CNTN2: variants seen among roughly 807,000 people sequenced by gnomAD.
CNTN2 encodes contactin 2.
CNTN2 carries 53 observed loss-of-function variants against 117.5 expected under a neutral mutation model. The observed-to-expected ratio is 0.45, with a 90% CI of 0.36 to 0.57. CNTN2 has a LOEUF of 0.57. Among genes scored for constraint, CNTN2 ranks in the 20% least tolerant of loss-of-function variants. The probability of loss-of-function intolerance (pLI) is 0.00; values close to 1 mark genes in which losing one functional copy is unlikely to be tolerated. For missense variants in CNTN2, 1,106 were observed against 1,404.3 expected (o/e 0.79, Z 3.39); for synonymous variants, 530 against 561.7 (o/e 0.94, Z 0.80).
rs1339606709 is a variant in CNTN2 at position 205,072,114 on chromosome 1, C to T, written c.2712C>T (p.Asn904=). 1.7e-5 allele frequency: 28 copies of T among 1,611,206 alleles called. No individual in the cohort carries two copies. The South Asian group carries it at 1.8e-4, about 10-fold the overall frequency. Residue 904 remains asparagine (N), a synonymous_variant, in exon 20 of 23, where the codon AAC becomes AAT. Coordinates refer to ENST00000331830, the MANE Select transcript of CNTN2 (RefSeq NM_005076.5). ...CTGGGCCTGCCAGCCCTTCTGCCAA[C>T]GCCACGACCATGAAGCCCCGTGAGT... ...AGTGPASPSA[N]ATTMKPPPRR... is the part of the protein sequence containing the mutation.
At chr1:205,051,073 CAT>C (rs2096451954) in intron 1 of CNTN2, among the ~76,000 whole-genome samples, 1 of 152,362 alleles carries the variant, frequency 6.6e-6, no homozygotes, top group South Asian at 2.1e-4. Flanking sequence ...TGAGCCCCAT[CAT>C]GTGTGCCCAC....
intron 2 of CNTN2, among the ~76,000 whole-genome samples, chr1:205,056,568 C>G (rs1320852574): frequency 2.0e-5 from 3 of 152,192 alleles, no homozygotes; most frequent in South Asian, 2.1e-4. Context: ...CCACCCCCTA[C>G]CCCTGGAAGA....
chr1:205,066,015 G>A (rs1654271637), intron 14 of CNTN2, 106 bp downstream of exon 14: 2 of 1,386,236 alleles, frequency 1.4e-6, no homozygotes, highest in South Asian at 2.9e-5. Flanking sequence ...AAGCTGCGGG[G>A]AAGGGCTTCC....
chr1:205,061,558 A>C lies in CNTN2; in HGVS notation c.973+138A>C. The stretch of plus-strand genomic sequence containing the variant: ...ATGAGCCTGCTTGCCCTAGGACTGC[A>C]CTGAGTCTGGGACCAGAGGAGGCTA... On this transcript the variant is annotated intron_variant, in intron 8 of 22. Coordinates refer to ENST00000331830, the MANE Select transcript of CNTN2 (RefSeq NM_005076.5). This position sits in a 1 kb window ranked among gnomAD's most constrained non-coding sequence, Gnocchi z 4.8. 9.3e-7 allele frequency: 1 copy of C among 1,077,256 alleles called. No individual in the cohort carries two copies. The highest frequency in any genetic ancestry group is 1.3e-6 in the Non-Finnish European group (1 of 770,920). The allele number at this position is 1,077,256 out of a possible 1,614,324, so 66.7% of individuals were successfully genotyped here.
At chr1:205,066,012 G>A (rs1210692409) in intron 14 of CNTN2, 103 bp downstream of exon 14, 53 of 1,391,092 alleles carry the variant, frequency 3.8e-5, no homozygotes, top group Non-Finnish European at 4.6e-5. Flanking sequence ...TCAAAGCTGC[G>A]GGGAAGGGCT....
chr1:205,069,289 C>T (rs1032628853), intron 16 of CNTN2: 1 of 562,480 alleles, frequency 1.8e-6, no homozygotes, highest in Admixed American at 3.3e-5. Flanking sequence ...CAGGGAAGCA[C>T]AGCTAGTAAA....
Position 205,058,169 on chromosome 1 carries a change from C to A in CNTN2, c.216-12C>A. On this transcript the variant is annotated splice_polypyrimidine_tract_variant and intron_variant, in intron 3 of 22. Transcript: ENST00000331830. This position sits in a 1 kb window ranked among gnomAD's most constrained non-coding sequence, Gnocchi z 4.3. ...GGACTCAGAGGTCCCCTTCCTCTGTCCCCTGCTGCAGGTGGAAGATGAATG... is the reference window on the plus strand; with the variant it reads ...GGACTCAGAGGTCCCCTTCCTCTGTACCCTGCTGCAGGTGGAAGATGAATG... 6.3e-7 allele frequency: 1 copy of A among 1,590,424 alleles called. No individual in the cohort carries two copies. Among genetic ancestry groups the A allele is most frequent in the Admixed American group, 1.8e-5 (1 of 56,710 alleles).
chr1:205,071,056 C>T (rs1364099237), intron 19 of CNTN2, among the ~76,000 whole-genome samples: 4 of 151,270 alleles, frequency 2.6e-5, no homozygotes, highest in African/African-American at 9.7e-5. Flanking sequence ...ACCCTGGAGG[C>T]AGCCTTAAAG....
rs553118938 is a variant in CNTN2, at chr1:205,057,765, C to T, written c.71-156C>T. 1,795 of 705,064 alleles carry T rather than the reference C, an allele frequency of 2.5e-3. 10 individuals are homozygous for T. Among genetic ancestry groups the T allele is most frequent in the Non-Finnish European group, 3.4e-3 (1,458 of 430,266 alleles). 43.7% of individuals were successfully genotyped at this position (705,064 alleles called of 1,614,324 possible). A position where few individuals can be genotyped will look rare whatever the true frequency, so the allele number is the denominator to read the frequency against. Reference sequence around the variant, plus strand: ...TCGCAATAGCCACATGTCAAGTGCTCGATAGCCCTACGTGGCTAGTGGTTA... The same window carrying T: ...TCGCAATAGCCACATGTCAAGTGCTTGATAGCCCTACGTGGCTAGTGGTTA... On this transcript the variant is annotated intron_variant, in intron 2 of 22. Coordinates refer to ENST00000331830, the MANE Select transcript of CNTN2 (RefSeq NM_005076.5).
At chr1:205,045,897 G>T (rs927096760) in intron 1 of CNTN2, among the ~76,000 whole-genome samples, 1 of 152,156 alleles carries the variant, frequency 6.6e-6, no homozygotes, top group Admixed American at 6.5e-5. Context: ...TAGAGGCAAA[G>T]GTTGGGCTGG....
chr1:205,066,201 C>G, intron 14 of CNTN2: 1 of 610,274 alleles, frequency 1.6e-6, no homozygotes, highest in Non-Finnish European at 2.9e-6. Context: ...ATCTATGCAC[C>G]TCTCCATGTG....
In CNTN2 at chr1:205,065,667, C is replaced by A; in HGVS notation, c.1696-122C>A. On this transcript the variant is annotated intron_variant, in intron 13 of 22. Coordinates refer to ENST00000331830, the MANE Select transcript of CNTN2 (RefSeq NM_005076.5). This position sits in a 1 kb window ranked among gnomAD's most constrained non-coding sequence, Gnocchi z 4.1. ...TTGAGCAGACAGGAAAACTGAGATC[C>A]AGTGGGGTCCATGGATGTCATGGAG... The A allele has an allele frequency of 8.6e-7, 1 of 1,165,220 alleles. No individual in the cohort carries two copies. 72.2% of individuals were successfully genotyped at this position (1,165,220 alleles called of 1,614,324 possible).
At chr1:205,053,366 C>A in intron 2 of CNTN2, 111 bp downstream of exon 2, 2 of 857,966 alleles carry the variant, frequency 2.3e-6, no homozygotes, top group Non-Finnish European at 3.4e-6. Context: ...ATTGTGGGAG[C>A]AGCTAGATTT....
chr1:205,073,305 T>C lies in CNTN2; in HGVS notation c.3013+69T>C. 1 of 1,554,648 alleles carries C rather than the reference T, an allele frequency of 6.4e-7. No individual in the cohort carries two copies. Among genetic ancestry groups the C allele is most frequent in the South Asian group, 1.2e-5 (1 of 84,924 alleles). ...TCCACCCAGATACCTGAGAGGATCA[T>C]TCCCACCCAGGCCAACTCCAATCTC... is the stretch of plus-strand genomic sequence containing the variant. On this transcript the variant is annotated intron_variant, in intron 22 of 22. Coordinates refer to ENST00000331830, the MANE Select transcript of CNTN2 (RefSeq NM_005076.5). This position sits in a 1 kb window ranked among gnomAD's most constrained non-coding sequence, Gnocchi z 6.3.
At chr1:205,047,669 A>G (rs1473673967) in intron 1 of CNTN2, among the ~76,000 whole-genome samples, 1 of 152,090 alleles carries the variant, frequency 6.6e-6, no homozygotes, top group Non-Finnish European at 1.5e-5. Context: ...GCACCTGCCC[A>G]GGAGATTGTG....
At chr1:205,055,266 C>T (rs151222889) in intron 2 of CNTN2, among the ~76,000 whole-genome samples, 137 of 152,170 alleles carry the variant, frequency 9.0e-4, no homozygotes, top group Admixed American at 3.3e-3. Context: ...CTCCTGCCTC[C>T]GCCTCTCAAA....
Position 205,049,589 on chromosome 1 carries a change from T to C in CNTN2, c.-86-3511T>C, listed in dbSNP as rs188806012. Among the ~76,000 whole-genome samples the C allele has an allele frequency of 2.1e-4, 32 of 152,254 alleles. No individual in the cohort carries two copies. In the East Asian group the frequency reaches 3.7e-3, roughly 17 times the overall value. On this transcript the variant is annotated intron_variant, in intron 1 of 22. Coordinates refer to ENST00000331830, the MANE Select transcript of CNTN2 (RefSeq NM_005076.5). ...CTATCCTGGAGTCTCCAGCCCCTGG[T>C]TGTCTGTCTCTGCCTTGCTCTGGCA... is the stretch of plus-strand genomic sequence containing the variant.
rs1654201664 is a variant in CNTN2, at chr1:205,065,007, A to C, written c.1520-80A>C. 1 of 1,475,708 alleles carries C rather than the reference A, an allele frequency of 6.8e-7. No homozygotes were observed. The highest frequency in any genetic ancestry group is 1.4e-5 in the African/African-American group (1 of 72,250). The allele number at this position is 1,475,708 out of a possible 1,614,324, so 91.4% of individuals were successfully genotyped here. ...TTCTCTTTGCTGGGCCTTAGGACAG[A>C]GCCTCTCAGCCTGCCCTGCGGACCC... On this transcript the variant is annotated intron_variant, in intron 12 of 22. Transcript: ENST00000331830. This position sits in a 1 kb window ranked among gnomAD's most constrained non-coding sequence, Gnocchi z 4.1.
intron 19 of CNTN2, 86 bp from the exon 20 acceptor site, chr1:205,071,861 C>A: frequency 7.6e-7 from 1 of 1,308,662 alleles, no homozygotes; most frequent in Non-Finnish European, 1.0e-6. Flanking sequence ...CCAGGATGAG[C>A]AAGAGAGGAA....
Sources: allele counts gnomAD v4.1 joint callset (sites outside exome capture counted in the v4.1 genomes callset), GRCh38; gene constraint gnomAD v4.1.1; non-coding constraint Gnocchi (gnomAD v3.1); transcripts MANE v1.5; gene names NCBI Gene and HGNC (gene_info 2026-07-23, HGNC 2026-07-21).